NOTCH1: variants seen among roughly 807,000 people sequenced by gnomAD.
NOTCH1 encodes neurogenic locus notch homolog protein 1.
A neutral mutation model predicts 254.8 loss-of-function variants in NOTCH1; 37 were observed. That is an observed-to-expected ratio of 0.15 (90% CI 0.11 to 0.19). The LOEUF is 0.19. Ranked by LOEUF, NOTCH1 falls within the 10% of genes least tolerant of loss-of-function variation. The probability of loss-of-function intolerance (pLI) is 1.00; values close to 1 mark genes in which losing one functional copy is unlikely to be tolerated. For synonymous variants in NOTCH1, 1,731 were observed against 1,618.1 expected (o/e 1.07, Z -1.68); for missense variants, 2,972 against 3,708.6 (o/e 0.80, Z 5.16).
intron 2 of NOTCH1, among the ~76,000 whole-genome samples, chr9:136,532,381 G>A (rs1036648531): frequency 7.9e-5 from 12 of 152,120 alleles, no homozygotes; most frequent in African/African-American, 2.4e-4. Flanking sequence ...ACCCAATCCC[G>A]CAGGACCTCG....
Position 136,518,644 on chromosome 9 carries a change from G to A in NOTCH1, c.1046C>T (p.Thr349Ile), listed in dbSNP as rs921581843. Residue 349 changes from threonine (T) to isoleucine (I), a missense_variant, in exon 6 of 34, where the codon ACC (threonine) becomes ATC (isoleucine). This residue lies in a region of NOTCH1 where 90 missense variants were observed against 183.6 expected (regional missense o/e 0.49). Coordinates refer to ENST00000651671, the MANE Select transcript of NOTCH1 (RefSeq NM_017617.5). ...GAAGGAGGCCACACGGTCATGGCAG[G>A]TGGCGCCGTGGAAGCAGGCGGCGCT... ...CASAACFHGA[T>I]CHDRVASFYC... is the part of the protein sequence containing the mutation. 1.4e-5 allele frequency: 22 copies of A among 1,611,946 alleles called. No homozygotes were observed. Among genetic ancestry groups the A allele is most frequent in the South Asian group, 2.2e-5 (2 of 91,028 alleles).
chr9:136,517,488 G>C, intron 8 of NOTCH1, 103 bp from the exon 9 acceptor site: 1 of 932,744 alleles, frequency 1.1e-6, no homozygotes, highest in South Asian at 1.5e-5. Context: ...CCAGCCCAGT[G>C]TCCCAGCCAC....
At chr9:136,544,223 G>A (rs567353886) in intron 1 of NOTCH1, 121 bp from the exon 2 acceptor site, 47 of 896,190 alleles carry the variant, frequency 5.2e-5, no homozygotes, top group Non-Finnish European at 8.0e-5. Flanking sequence ...CCCTACCCCG[G>A]ACGCACTCTG....
At chr9:136,500,113 C>G (rs950253972) in intron 31 of NOTCH1, among the ~76,000 whole-genome samples, 3 of 152,232 alleles carry the variant, frequency 2.0e-5, no homozygotes, top group Admixed American at 6.5e-5. Context: ...CACCGGCAAG[C>G]TGAGCCCTAG....
chr9:136,500,896 G>A (rs1400910015), intron 30 of NOTCH1, 49 bp from the exon 31 acceptor site: 21 of 1,529,838 alleles, frequency 1.4e-5, no homozygotes, highest in Non-Finnish European at 1.6e-5. Context: ...GTCCCCAGCT[G>A]CAGCCCAGGG....
At chr9:136,531,847 G>A (rs1327367057) in intron 2 of NOTCH1, among the ~76,000 whole-genome samples, 1 of 152,228 alleles carries the variant, frequency 6.6e-6, no homozygotes, top group East Asian at 1.9e-4. Context: ...GGCTTCAGTG[G>A]TGGCCCCAGA....
At chr9:136,530,822 G>A (rs1373956590) in intron 2 of NOTCH1, among the ~76,000 whole-genome samples, 1 of 152,218 alleles carries the variant, frequency 6.6e-6, no homozygotes, top group Admixed American at 6.5e-5. Context: ...TGCACCCCAC[G>A]ATGGCTCAGA....
chr9:136,536,583 G>T (rs774029149), intron 2 of NOTCH1, among the ~76,000 whole-genome samples: 8 of 152,184 alleles, frequency 5.3e-5, no homozygotes, highest in Non-Finnish European at 1.2e-4. Context: ...CCCAGCCACC[G>T]CCGCTCCTTT....
chr9:136,508,360 G>A lies in NOTCH1; in HGVS notation c.3197C>T (p.Ser1066Leu), dbSNP rs771739312. The change falls in exon 20 of 34, where the codon TCG becomes TTG. Residue 1066 changes from serine (S) to leucine (L), a missense_variant. This residue lies in a region of NOTCH1 where 1,343 missense variants were observed against 1,557.0 expected (regional missense o/e 0.86). Coordinates refer to ENST00000651671, the MANE Select transcript of NOTCH1 (RefSeq NM_017617.5). ...GCATTTGCCGCCGTTCTTGCAGGGCGAGGAGTCACACCAGTGCACAAGGTT... is the reference window on the plus strand; with the variant it reads ...GCATTTGCCGCCGTTCTTGCAGGGCAAGGAGTCACACCAGTGCACAAGGTT... ...CQNLVHWCDS[S>L]PCKNGGKCWQ... 15 of 1,613,142 alleles carry A rather than the reference G, an allele frequency of 9.3e-6. No homozygotes were observed. Among genetic ancestry groups the A allele is most frequent in the East Asian group, 2.2e-5 (1 of 44,892 alleles).
In NOTCH1 at chr9:136,523,075, G is replaced by A; in HGVS notation, c.517C>T (p.Pro173Ser). 6.3e-7 allele frequency: 1 copy of A among 1,589,132 alleles called. No homozygotes were observed. The highest frequency in any genetic ancestry group is 8.6e-7 in the Non-Finnish European group (1 of 1,168,444). The change falls in exon 4 of 34, where the codon CCC becomes TCC. Residue 173 changes from proline (P) to serine (S), a missense_variant. Coordinates refer to ENST00000651671, the MANE Select transcript of NOTCH1 (RefSeq NM_017617.5). ...TCGTTGACATCCTGCCGGCAGGTGGGGCCATGGAAGCTGGGTGGGCAGTGG... is the reference window on the plus strand; with the variant it reads ...TCGTTGACATCCTGCCGGCAGGTGGAGCCATGGAAGCTGGGTGGGCAGTGG... ...ICHCPPSFHG[P>S]TCRQDVNECG...
chr9:136,501,594 A>C (rs954934657), intron 30 of NOTCH1, among the ~76,000 whole-genome samples, 154 bp downstream of exon 30: 8 of 152,234 alleles, frequency 5.3e-5, no homozygotes, highest in Non-Finnish European at 7.4e-5. Flanking sequence ...GGACCCCCCC[A>C]CGTCTACTCT....
chr9:136,530,122 G>A (rs1057033598), intron 2 of NOTCH1, among the ~76,000 whole-genome samples: 7 of 152,246 alleles, frequency 4.6e-5, no homozygotes, highest in Middle Eastern at 3.2e-3. Flanking sequence ...GCAGCAGGGG[G>A]CGGAGTTGGG....
chr9:136,525,503 T>TCACG (rs1449992340), intron 2 of NOTCH1, among the ~76,000 whole-genome samples: 1 of 152,208 alleles, frequency 6.6e-6, no homozygotes, highest in Non-Finnish European at 1.5e-5. Flanking sequence ...GGCAGCAGCC[T>TCACG]CACGGCTCAG....
At position 136,508,978 on chromosome 9, in the gene NOTCH1, A is replaced by G. The variant is rs1843133808; in HGVS notation, c.3063T>C (p.Asp1021=). The change falls in exon 19 of 34, where the codon GAT becomes GAC. Residue 1021 remains aspartate (D), a synonymous_variant. Coordinates refer to ENST00000651671, the MANE Select transcript of NOTCH1 (RefSeq NM_017617.5). ...AGGGCTGTGAGTCGCACTCATTGACATCGTGCTGGCAGTAGCTGCCCGTGA... is the reference window on the plus strand; with the variant it reads ...AGGGCTGTGAGTCGCACTCATTGACGTCGTGCTGGCAGTAGCTGCCCGTGA... The part of the protein sequence containing the change: ...PGFTGSYCQH[D]VNECDSQPCL... 6.4e-7 allele frequency: 1 copy of G among 1,557,482 alleles called. No individual in the cohort carries two copies. Among genetic ancestry groups the G allele is most frequent in the Non-Finnish European group, 8.7e-7 (1 of 1,151,398 alleles).
chr9:136,499,407 C>T lies in NOTCH1; in HGVS notation c.5935-148G>A, dbSNP rs11574910. 4.3e-3 allele frequency: 5,194 copies of T among 1,206,014 alleles called. 167 individuals are homozygous for T. In the African/African-American group the frequency reaches 0.065, roughly 15 times the overall value. 74.7% of individuals were successfully genotyped at this position (1,206,014 alleles called of 1,614,324 possible). A position where few individuals can be genotyped will look rare whatever the true frequency, so the allele number is the denominator to read the frequency against. On this transcript the variant is annotated intron_variant, in intron 31 of 33. Coordinates refer to ENST00000651671, the MANE Select transcript of NOTCH1 (RefSeq NM_017617.5). Reference sequence around the variant, plus strand: ...ATCGGCACGGCCGGGCAAGACGAAACGCCATGGGGCTGCCCCTGAGGAGGG... The same window carrying T: ...ATCGGCACGGCCGGGCAAGACGAAATGCCATGGGGCTGCCCCTGAGGAGGG...
At chr9:136,507,816 C>T in intron 21 of NOTCH1, 139 bp downstream of exon 21, 1 of 925,850 alleles carries the variant, frequency 1.1e-6, no homozygotes, top group South Asian at 1.4e-5. Flanking sequence ...CCTGATTACC[C>T]CAGCCCTCCC....
In NOTCH1 at chr9:136,501,620, C is replaced by T; in HGVS notation, c.5638+128G>A. 4 of 1,167,890 alleles carry T rather than the reference C, an allele frequency of 3.4e-6. No homozygotes were observed. The South Asian group carries it at 4.2e-5, about 12-fold the overall frequency. 72.3% of individuals were successfully genotyped at this position (1,167,890 alleles called of 1,614,324 possible). On this transcript the variant is annotated intron_variant, in intron 30 of 33. Transcript: ENST00000651671. The stretch of plus-strand genomic sequence containing the variant: ...CGTCTACTCTGAATGGGAAACACCC[C>T]AAGGATGAAAGCTCTCACCCCCAAT...
intron 2 of NOTCH1, among the ~76,000 whole-genome samples, chr9:136,530,335 C>T (rs1184066294): frequency 6.6e-6 from 1 of 152,226 alleles, no homozygotes; most frequent in African/African-American, 2.4e-5. Flanking sequence ...CCTCTGGCTC[C>T]GGGGAAACCC....
Position 136,504,863 on chromosome 9 carries a change from C to T in NOTCH1, c.4828G>A (p.Ala1610Thr), listed in dbSNP as rs369467132. The T allele has an allele frequency of 4.4e-6, 7 of 1,582,742 alleles. No individual in the cohort carries two copies. The highest frequency in any genetic ancestry group is 2.3e-5 in the East Asian group (1 of 43,584). ...LHTNVVFKRD[A>T]HGQQMIFPYY... ...GGGAAGATCATCTGCTGGCCGTGTG[C>T]GTCACGCTTGAAGACCACGTTGGTG... The change falls in exon 26 of 34, where the codon GCA (alanine) becomes ACA (threonine). Residue 1610 changes from alanine to threonine, a missense_variant. Ala to Thr is a moderately conservative substitution (Grantham distance 58). Coordinates refer to ENST00000651671, the MANE Select transcript of NOTCH1 (RefSeq NM_017617.5).
Sources: allele counts gnomAD v4.1 joint callset (sites outside exome capture counted in the v4.1 genomes callset), GRCh38; gene constraint gnomAD v4.1.1; regional missense constraint gnomAD v4.1.1; transcripts MANE v1.5; gene names NCBI Gene and HGNC (gene_info 2026-07-23, HGNC 2026-07-21).